SYNPR: variants seen among roughly 807,000 people sequenced by gnomAD.
SYNPR encodes synaptoporin.
SYNPR carries 23 observed loss-of-function variants against 32.9 expected under a neutral mutation model. The ratio of observed to expected loss-of-function variants is 0.70; its 90% CI spans 0.50 to 0.99. SYNPR has a LOEUF of 0.99. Among genes scored for constraint, SYNPR ranks in the 50% least tolerant of loss-of-function variants. The pLI is 0.00. For missense variants in SYNPR, 318 were observed against 349.3 expected (o/e 0.91, Z 0.71); for synonymous variants, 146 against 135.9 (o/e 1.07, Z -0.52).
Position 63,350,456 on chromosome 3 carries a change from C to A in SYNPR, c.84+71714C>A, listed in dbSNP as rs548151250. 3.9e-5 allele frequency among the ~76,000 whole-genome samples: 6 copies of A among 152,172 alleles called. No homozygotes were observed. The South Asian group carries it at 1.2e-3, about 32-fold the overall frequency. On this transcript the variant is annotated intron_variant, in intron 2 of 5. Transcript: ENST00000478300. ...TTGCAAGTGGGACTTCAGACTATAT[C>A]GTGATAGGAGGAGAAAGAAAAGCCA...
At chr3:63,611,696 C>T (rs1700200127) in intron 5 of SYNPR, among the ~76,000 whole-genome samples, 1 of 151,828 alleles carries the variant, frequency 6.6e-6, no homozygotes, top group East Asian at 1.9e-4. Context: ...TCTTTTTTTT[C>T]ATCCACACAG....
chr3:63,360,585 CA>C (rs1435334357), intron 2 of SYNPR, among the ~76,000 whole-genome samples: 57 of 152,310 alleles, frequency 3.7e-4, no homozygotes, highest in African/African-American at 1.3e-3. Context: ...GCTACATCTC[CA>C]AACTCCTTAC....
chr3:63,356,407 T>C lies in SYNPR; in HGVS notation c.84+77665T>C, dbSNP rs1251732109. Among the ~76,000 whole-genome samples, 11 of 152,246 alleles carry C rather than the reference T, an allele frequency of 7.2e-5. No homozygotes were observed. In the South Asian group the frequency reaches 1.7e-3, roughly 23 times the overall value. Reference sequence around the variant, plus strand: ...CATTTATTAAACACTCATTATGTGTTAGACAGTATGGTAAGTGCTTCACAA... The same window carrying C: ...CATTTATTAAACACTCATTATGTGTCAGACAGTATGGTAAGTGCTTCACAA... On this transcript the variant is annotated intron_variant, in intron 2 of 5. Transcript: ENST00000478300.
intron 2 of SYNPR, among the ~76,000 whole-genome samples, chr3:63,476,699 G>C (rs868115244): frequency 1.3e-5 from 2 of 152,012 alleles, no homozygotes; most frequent in African/African-American, 4.8e-5. Flanking sequence ...CATTTTTTGC[G>C]GGGCTTCCCC....
At chr3:63,379,335 T>TC (rs1177724245) in intron 2 of SYNPR, among the ~76,000 whole-genome samples, 1 of 152,184 alleles carries the variant, frequency 6.6e-6, no homozygotes, top group Non-Finnish European at 1.5e-5. Flanking sequence ...TAGATTCTGT[T>TC]GGTTGGTGAT....
At chr3:63,408,901 G>A (rs76858699) in intron 2 of SYNPR, among the ~76,000 whole-genome samples, 2 of 152,158 alleles carry the variant, frequency 1.3e-5, no homozygotes, top group Non-Finnish European at 2.9e-5. Flanking sequence ...AGTTGCCCAC[G>A]GAGTGTTTTC....
At chr3:63,243,997 C>T (rs1205606808) in intron 1 of SYNPR, among the ~76,000 whole-genome samples, 1 of 151,956 alleles carries the variant, frequency 6.6e-6, no homozygotes, top group Non-Finnish European at 1.5e-5. Context: ...GTATTTCAAA[C>T]CAAAGGAATC....
intron 2 of SYNPR, among the ~76,000 whole-genome samples, chr3:63,376,332 A>G (rs1193016799): frequency 6.6e-6 from 1 of 151,930 alleles, no homozygotes; most frequent in Non-Finnish European, 1.5e-5. Context: ...AGTTAACGTA[A>G]GTTATAACTT....
rs1232138211 is a variant in SYNPR, at chr3:63,433,441, C to T, written c.85-47391C>T. Among the ~76,000 whole-genome samples, 8 of 152,142 alleles carry T rather than the reference C, an allele frequency of 5.3e-5. No individual in the cohort carries two copies. In the East Asian group the frequency reaches 1.5e-3, roughly 29 times the overall value. ...CTGAAGAAAGAAAACTGGTTTTTCT[C>T]TGCGTGAGAATGAACAGTTCACATG... is the stretch of plus-strand genomic sequence containing the variant. On this transcript the variant is annotated intron_variant, in intron 2 of 5. Coordinates refer to ENST00000478300, the MANE Select transcript of SYNPR (RefSeq NM_001130003.2).
intron 4 of SYNPR, among the ~76,000 whole-genome samples, chr3:63,577,846 G>C (rs986504082): frequency 6.6e-6 from 1 of 152,116 alleles, no homozygotes; most frequent in Non-Finnish European, 1.5e-5. Context: ...GAAGGGTTAC[G>C]TAGGAGACGG....
intron 3 of SYNPR, among the ~76,000 whole-genome samples, chr3:63,542,863 C>A (rs1278221768): frequency 6.6e-6 from 1 of 151,940 alleles, no homozygotes; most frequent in African/African-American, 2.4e-5. Flanking sequence ...TCCCATATTA[C>A]CTGAATTACC....
At chr3:63,410,774 G>T (rs897840428) in intron 2 of SYNPR, among the ~76,000 whole-genome samples, 1 of 152,096 alleles carries the variant, frequency 6.6e-6, no homozygotes, top group Non-Finnish European at 1.5e-5. Flanking sequence ...GTAATCTGAG[G>T]AAAAATGCTT....
At chr3:63,269,405 C>G (rs1005079254) in intron 3 of SYNPR, among the ~76,000 whole-genome samples, 6 of 151,998 alleles carry the variant, frequency 3.9e-5, no homozygotes, top group African/African-American at 1.4e-4. Flanking sequence ...AGGAGAATCA[C>G]TTGAACCCAG....
chr3:63,565,465 C>T (rs1017967890), intron 4 of SYNPR, among the ~76,000 whole-genome samples: 4 of 152,146 alleles, frequency 2.6e-5, no homozygotes, highest in Admixed American at 6.5e-5. Context: ...TGCGTCCTCA[C>T]GTGGTAGAAG....
chr3:63,615,388 C>T lies in SYNPR; in HGVS notation c.765C>T (p.Ser255=). ...GGYNQDSYGS[S]SGYSQQASLG... ...ACAACCAAGACAGCTATGGATCAAG[C>T]AGTGGGTACAGTCAGCAGGCGAGTT... Residue 255 remains serine, a synonymous_variant, in exon 6 of 6, where the codon AGC becomes AGT. Transcript: ENST00000478300. 1.2e-6 allele frequency: 2 copies of T among 1,613,922 alleles called. No homozygotes were observed. Among genetic ancestry groups the T allele is most frequent in the South Asian group, 1.1e-5 (1 of 91,066 alleles).
At chr3:63,279,179 G>A (rs772455470) in intron 2 of SYNPR, among the ~76,000 whole-genome samples, 2 of 152,116 alleles carry the variant, frequency 1.3e-5, no homozygotes, top group Non-Finnish European at 2.9e-5. Context: ...TCAGAAAGTT[G>A]GTCAGAACTG....
At chr3:63,489,537 T>C (rs1173751810) in intron 3 of SYNPR, among the ~76,000 whole-genome samples, 1 of 152,200 alleles carries the variant, frequency 6.6e-6, no homozygotes, top group East Asian at 1.9e-4. Context: ...CCCCATTCTG[T>C]ATAATTTAAT....
chr3:63,290,350 C>T (rs1186487266), intron 2 of SYNPR, among the ~76,000 whole-genome samples: 1 of 152,114 alleles, frequency 6.6e-6, no homozygotes, highest in East Asian at 1.9e-4. Flanking sequence ...AAATGATTTC[C>T]CACTGAAAAC....
intron 2 of SYNPR, among the ~76,000 whole-genome samples, chr3:63,450,801 G>T (rs1276704543): frequency 6.6e-6 from 1 of 152,206 alleles, no homozygotes; most frequent in African/African-American, 2.4e-5. Flanking sequence ...TTTGCCAGGA[G>T]ATGGGGCTCA....
Sources: allele counts gnomAD v4.1 joint callset (sites outside exome capture counted in the v4.1 genomes callset), GRCh38; gene constraint gnomAD v4.1.1; transcripts MANE v1.5; gene names NCBI Gene and HGNC (gene_info 2026-07-23, HGNC 2026-07-21).